Variants in HSD17B2 observed in about 807,000 individuals in gnomAD.
HSD17B2 encodes the protein 17-beta-hydroxysteroid dehydrogenase type 2.
Under a neutral mutation model 26.9 loss-of-function variants are expected in HSD17B2, and 32 were observed. That is an observed-to-expected ratio of 1.19 (90% CI 0.90 to 1.60). The LOEUF (loss-of-function observed/expected upper bound fraction) is 1.60. Ranked by LOEUF, HSD17B2 falls within the 40% of genes most tolerant of loss-of-function variation. The probability of loss-of-function intolerance (pLI) is 0.00; values close to 1 mark genes in which losing one functional copy is unlikely to be tolerated. For missense variants in HSD17B2, 613 were observed against 468.6 expected (o/e 1.31, Z -2.85); for synonymous variants, 246 against 186.7 (o/e 1.32, Z -2.59).
At chr16:82,089,130 A>T (rs1331625986) in intron 3 of HSD17B2, among the ~76,000 whole-genome samples, 3 of 152,172 alleles carry the variant, frequency 2.0e-5, no homozygotes, top group African/African-American at 4.8e-5. Context: ...CAATGTTCAT[A>T]GCACCCCCAC....
intron 3 of HSD17B2, among the ~76,000 whole-genome samples, chr16:82,083,982 C>T (rs1244095423): frequency 5.3e-5 from 8 of 152,174 alleles, no homozygotes; most frequent in Non-Finnish European, 8.8e-5. Flanking sequence ...GGCCTAAAGT[C>T]GCCAGTTTTG....
chr16:82,076,473 T>A (rs1904302939), intron 3 of HSD17B2, among the ~76,000 whole-genome samples: 1 of 152,228 alleles, frequency 6.6e-6, no homozygotes, highest in South Asian at 2.1e-4. Context: ...TGATATGATC[T>A]TATATTTAGA....
rs1318497912 is a variant in HSD17B2 at position 82,068,172 on chromosome 16, G to A, written c.268G>A (p.Gly90Ser). 7 of 1,614,122 alleles carry A rather than the reference G, an allele frequency of 4.3e-6. No homozygotes were observed. The highest frequency in any genetic ancestry group is 5.9e-6 in the Non-Finnish European group (7 of 1,179,966). ...CCTACTCCCCTGACCCTATGCAGGT[G>A]GTGATTGCGGGCTTGGCCATGCTTT... is the stretch of plus-strand genomic sequence containing the variant. ...VDQKAVLVTG[G>S]DCGLGHALCK... The change falls in exon 2 of 5, where the codon GGT (glycine) becomes AGT (serine). Residue 90 changes from glycine to serine, a missense_variant and splice_region_variant. Coordinates refer to ENST00000199936, the MANE Select transcript of HSD17B2 (RefSeq NM_002153.3).
At chr16:82,038,323 G>T (rs1406771096) in intron 1 of HSD17B2, among the ~76,000 whole-genome samples, 1 of 152,266 alleles carries the variant, frequency 6.6e-6, no homozygotes, top group East Asian at 1.9e-4. Context: ...TATTTAAAAT[G>T]TATGTGTGAT....
rs772369950 is a variant in HSD17B2, at chr16:82,068,287, G to A, written c.383G>A (p.Cys128Tyr). Residue 128 changes from cysteine (C) to tyrosine (Y), a missense_variant, in exon 2 of 5, where the codon TGC becomes TAC. Coordinates refer to ENST00000199936, the MANE Select transcript of HSD17B2 (RefSeq NM_002153.3). ...GGAGCTGAGGAATTGCGAAGAACCT[G>A]CTCTCCGCGCCTCTCGGTGCTCCAA... The part of the protein sequence containing the change: ...GPGAEELRRT[C>Y]SPRLSVLQMD... The A allele has an allele frequency of 5.6e-6, 9 of 1,613,932 alleles. No individual in the cohort carries two copies. Among genetic ancestry groups the A allele is most frequent in the African/African-American group, 4.0e-5 (3 of 74,872 alleles).
rs774190519 is a variant in HSD17B2, at chr16:82,098,133, C to A, written c.861C>A (p.Leu287=). The A allele has an allele frequency of 6.2e-7, 1 of 1,613,986 alleles. No individual in the cohort carries two copies. The highest frequency in any genetic ancestry group is 8.5e-7 in the Non-Finnish European group (1 of 1,179,962). ...TGGAGAAGGACATTCTGGACCACCT[C>A]CCCGCTGAGGTACAGGAAGACTACG... ...EKLEKDILDH[L]PAEVQEDYGQ... Residue 287 remains leucine (L), a synonymous_variant, in exon 5 of 5, where the codon CTC becomes CTA. Coordinates refer to ENST00000199936, the MANE Select transcript of HSD17B2 (RefSeq NM_002153.3).
intron 1 of HSD17B2, among the ~76,000 whole-genome samples, chr16:82,049,267 G>A (rs1317613549): frequency 2.0e-5 from 3 of 152,198 alleles, no homozygotes; most frequent in Non-Finnish European, 2.9e-5. Context: ...GGTATTGAGT[G>A]TTGAGGCCAG....
intron 1 of HSD17B2, among the ~76,000 whole-genome samples, chr16:82,045,465 A>G (rs1420897155): frequency 2.0e-5 from 3 of 152,370 alleles, no homozygotes; most frequent in East Asian, 3.9e-4. Flanking sequence ...AAGATTGTGA[A>G]TATATATTGC....
At chr16:82,071,945 A>C (rs1914707842) in intron 3 of HSD17B2, 1 of 152,204 alleles carries the variant, frequency 6.6e-6, no homozygotes, top group East Asian at 1.9e-4. Context: ...ATTAATTCTA[A>C]GTAAAATTTC....
intron 3 of HSD17B2, among the ~76,000 whole-genome samples, chr16:82,072,810 C>A (rs555134456): frequency 6.6e-6 from 1 of 152,314 alleles, no homozygotes; most frequent in South Asian, 2.1e-4. Flanking sequence ...AACTCCAGCA[C>A]TTTGGAAGGC....
intron 1 of HSD17B2, among the ~76,000 whole-genome samples, chr16:82,043,547 C>T (rs1385668523): frequency 7.1e-6 from 1 of 141,726 alleles, no homozygotes; most frequent in African/African-American, 3.1e-5. Flanking sequence ...AGCCGGGCGC[C>T]GTGGCAGGCG....
intron 1 of HSD17B2, among the ~76,000 whole-genome samples, chr16:82,055,999 A>G (rs1286968121): frequency 6.6e-6 from 1 of 152,224 alleles, no homozygotes; most frequent in African/African-American, 2.4e-5. Context: ...AACTAGGTCA[A>G]TGGTGGTAAT....
chr16:82,046,306 G>GGT (rs748014944), intron 1 of HSD17B2, among the ~76,000 whole-genome samples: 12 of 152,114 alleles, frequency 7.9e-5, no homozygotes, highest in Non-Finnish European at 1.6e-4. Context: ...CCAGGACAGT[G>GGT]GTGTGACTGT....
At chr16:82,082,942 G>T (rs1904422525) in intron 3 of HSD17B2, among the ~76,000 whole-genome samples, 1 of 152,120 alleles carries the variant, frequency 6.6e-6, no homozygotes, top group Admixed American at 6.6e-5. Flanking sequence ...TTAGTTTCAT[G>T]TTCTGACTCA....
At chr16:82,041,119 GA>G (rs932527440) in intron 1 of HSD17B2, among the ~76,000 whole-genome samples, 1 of 152,186 alleles carries the variant, frequency 6.6e-6, no homozygotes, top group Non-Finnish European at 1.5e-5. Flanking sequence ...TTTGACTGGG[GA>G]GTATTCTGAC....
At chr16:82,077,012 T>G (rs773177543) in intron 3 of HSD17B2, among the ~76,000 whole-genome samples, 1 of 152,112 alleles carries the variant, frequency 6.6e-6, no homozygotes, top group African/African-American at 2.4e-5. Flanking sequence ...TGAAAGAAAT[T>G]GAAGAGGACA....
chr16:82,080,208 G>A (rs1415249725), intron 3 of HSD17B2, among the ~76,000 whole-genome samples: 4 of 152,184 alleles, frequency 2.6e-5, no homozygotes, highest in Non-Finnish European at 5.9e-5. Flanking sequence ...GGTCTGGGAG[G>A]CAGAATAATG....
chr16:82,090,247 G>A, intron 3 of HSD17B2: 1 of 965,088 alleles, frequency 1.0e-6, no homozygotes, highest in Non-Finnish European at 1.2e-6. Flanking sequence ...TGTTGGTCAG[G>A]CTAGAAGATC....
chr16:82,074,196 T>C (rs1459728226), intron 3 of HSD17B2, among the ~76,000 whole-genome samples: 1 of 152,210 alleles, frequency 6.6e-6, no homozygotes, highest in Non-Finnish European at 1.5e-5. Context: ...CCCTAGTCTT[T>C]TGAGTTTCAG....
Sources: gnomAD v4.1 joint callset for allele counts (sites outside exome capture counted in the v4.1 genomes callset) on GRCh38, gnomAD v4.1.1 for gene constraint, MANE v1.5 for transcripts, NCBI Gene and HGNC (gene_info 2026-07-23, HGNC 2026-07-21) for gene names.